The following TCN2 variants were observed in gnomAD, a reference collection of about 807,000 sequenced individuals.
The protein encoded by TCN2 is transcobalamin 2.
TCN2 carries 34 observed loss-of-function variants against 48.6 expected under a neutral mutation model. The ratio of observed to expected loss-of-function variants is 0.70; its 90% CI spans 0.53 to 0.93. The LOEUF is 0.93. TCN2 is among the 40% of genes least tolerant of loss of function. The pLI is 0.00. For synonymous variants in TCN2, 283 were observed against 212.5 expected, an observed-to-expected ratio of 1.33 and a Z score of -2.89; for missense variants, 652 against 526.1, an observed-to-expected ratio of 1.24 and a Z score of -2.34.
chr22:30,608,507 C>T (rs1324106481), intron 1 of TCN2, among the ~76,000 whole-genome samples: 14 of 151,318 alleles, frequency 9.3e-5, no homozygotes, highest in Non-Finnish European at 4.4e-5. Context: ...CCCACCTCAG[C>T]CTCCCAAGTA....
chr22:30,617,538 A>T (rs755295625), intron 7 of TCN2, 43 bp downstream of exon 7: 2 of 1,612,794 alleles, frequency 1.2e-6, no homozygotes, highest in Non-Finnish European at 1.7e-6. Context: ...CCAACCTCAC[A>T]TGCCTGATAA....
intron 1 of TCN2, among the ~76,000 whole-genome samples, chr22:30,609,528 G>A (rs186613007): frequency 8.5e-5 from 13 of 152,216 alleles, no homozygotes; most frequent in Admixed American, 6.5e-4. Flanking sequence ...GAGAGCCCGG[G>A]GTGAGGTCAG....
At chr22:30,623,256 T>G in intron 8 of TCN2, 173 bp downstream of exon 8, 2 of 567,888 alleles carry the variant, frequency 3.5e-6, no homozygotes, top group Non-Finnish European at 6.1e-6. Flanking sequence ...AGAATTTTTA[T>G]GCAAGTTACT....
At chr22:30,612,275 G>A (rs903557358) in intron 2 of TCN2, among the ~76,000 whole-genome samples, 6 of 151,320 alleles carry the variant, frequency 4.0e-5, no homozygotes, top group Non-Finnish European at 8.8e-5. Context: ...ATGGCTGGGT[G>A]TGGTGGCTCA....
chr22:30,613,265 GGTTTTTT>G (rs1569039889), intron 3 of TCN2, among the ~76,000 whole-genome samples: 2 of 151,996 alleles, frequency 1.3e-5, no homozygotes, highest in South Asian at 2.1e-4. Flanking sequence ...TGTGTTTCGT[GGTTTTTT>G]GTTTTTTGTT....
At chr22:30,617,927 G>GT (rs1187501216) in intron 7 of TCN2, among the ~76,000 whole-genome samples, 22 of 151,998 alleles carry the variant, frequency 1.4e-4, no homozygotes, top group African/African-American at 5.1e-4. Context: ...AGTAAGAACT[G>GT]TTTTTTGTTT....
At chr22:30,608,179 C>T (rs2087481692) in intron 1 of TCN2, among the ~76,000 whole-genome samples, 1 of 152,174 alleles carries the variant, frequency 6.6e-6, no homozygotes, top group Non-Finnish European at 1.5e-5. Context: ...CTTTTCTCCT[C>T]CTCTGCACCT....
chr22:30,619,457 T>A (rs2087664984), intron 7 of TCN2, among the ~76,000 whole-genome samples: 1 of 152,248 alleles, frequency 6.6e-6, no homozygotes, highest in Non-Finnish European at 1.5e-5. Flanking sequence ...GACAATGTCC[T>A]TACACTTGCT....
intron 4 of TCN2, 132 bp downstream of exon 4, chr22:30,614,633 C>T (rs887880155): frequency 1.9e-5 from 25 of 1,344,246 alleles, no homozygotes; most frequent in South Asian, 6.3e-5. Context: ...CCTTTAGGGA[C>T]GAATTGGCGA....
At chr22:30,613,246 A>G (rs1461994362) in intron 3 of TCN2, among the ~76,000 whole-genome samples, 1 of 151,968 alleles carries the variant, frequency 6.6e-6, no homozygotes, top group African/African-American at 2.4e-5. Context: ...CACACATACT[A>G]TTGACAGGTG....
chr22:30,615,823 A>G (rs558896335), intron 6 of TCN2, 36 bp downstream of exon 6: 4 of 1,612,598 alleles, frequency 2.5e-6, no homozygotes, highest in East Asian at 2.2e-5. Flanking sequence ...AGCCCTTTAC[A>G]ATCTGCTGCG....
chr22:30,625,504 C>T (rs1332685945), intron 8 of TCN2, among the ~76,000 whole-genome samples: 1 of 151,998 alleles, frequency 6.6e-6, no homozygotes, highest in Non-Finnish European at 1.5e-5. Context: ...CACTCTGTCA[C>T]CCACGCTGAG....
intron 8 of TCN2, among the ~76,000 whole-genome samples, chr22:30,624,526 A>C (rs1281334690): frequency 7.5e-6 from 1 of 133,262 alleles, no homozygotes; most frequent in African/African-American, 2.6e-5. Flanking sequence ...GAGGGAGCCC[A>C]CAAAAAAGCA....
chr22:30,613,669 T>TA (rs1410961335), intron 3 of TCN2, among the ~76,000 whole-genome samples: 1 of 152,160 alleles, frequency 6.6e-6, no homozygotes, highest in African/African-American at 2.4e-5. Context: ...ACTTACGCCA[T>TA]AGTCTGTCTC....
At position 30,626,903 on chromosome 22, in the gene TCN2, C is replaced by A. The variant is rs56076607; in HGVS notation, c.*382C>A. The A allele has an allele frequency of 5.7e-6, 2 of 353,414 alleles. No individual in the cohort carries two copies. Among genetic ancestry groups the A allele is most frequent in the Non-Finnish European group, 1.1e-5 (2 of 182,624 alleles). The allele number at this position is 353,414 out of a possible 1,614,324, so 21.9% of individuals were successfully genotyped here. A position where few individuals can be genotyped will look rare whatever the true frequency, so the allele number is the denominator to read the frequency against. ...TGGTTGGGGTCCTGCAAGAAGGCCT[C>A]CTCAGCCCGGGGGCTATGGCCCTGA... On this transcript the variant is annotated 3_prime_UTR_variant, in exon 9 of 9. Transcript: ENST00000215838.
intron 6 of TCN2, among the ~76,000 whole-genome samples, chr22:30,616,421 G>A (rs541036607): frequency 1.3e-5 from 2 of 151,698 alleles, no homozygotes; most frequent in African/African-American, 4.8e-5. Flanking sequence ...CTCAGAGGTG[G>A]AGGTTGCAGT....
rs2087823829 is a variant in TCN2 at position 30,627,254 on chromosome 22, G to A, written c.*733G>A. On this transcript the variant is annotated 3_prime_UTR_variant, in exon 9 of 9. Transcript: ENST00000215838. ...ACTATGACTGAGCACTCACTCGCTAGATACTATCTTGAACTGCTCTGTGAG... is the reference window on the plus strand; with the variant it reads ...ACTATGACTGAGCACTCACTCGCTAAATACTATCTTGAACTGCTCTGTGAG... 1 of 156,192 alleles carries A rather than the reference G, an allele frequency of 6.4e-6. No homozygotes were observed. The highest frequency in any genetic ancestry group is 2.0e-4 in the South Asian group (1 of 5,076). The allele number at this position is 156,192 out of a possible 1,614,324, so 9.7% of individuals were successfully genotyped here.
rs770630089 is a variant in TCN2, at chr22:30,614,368, C to G, written c.447C>G (p.His149Gln). The G allele has an allele frequency of 6.2e-7, 1 of 1,614,052 alleles. No homozygotes were observed. The highest frequency in any genetic ancestry group is 1.7e-5 in the Admixed American group (1 of 60,002). The change falls in exon 4 of 9, where the codon CAC (histidine) becomes CAG (glutamine). Residue 149 changes from histidine to glutamine, a missense_variant. By Grantham distance (24) the His-to-Gln change is conservative (BLOSUM62 0). Transcript: ENST00000215838. The part of the protein sequence containing the change: ...KRAIGHDHKG[H>Q]PHTSYYQYGL... The stretch of plus-strand genomic sequence containing the variant: ...TCTCAGGGCATGATCACAAGGGCCA[C>G]CCCCACACTAGCTACTACCAGTATG...
chr22:30,620,562 C>A (rs760448304), intron 7 of TCN2, among the ~76,000 whole-genome samples: 7 of 152,212 alleles, frequency 4.6e-5, no homozygotes. Flanking sequence ...TGGGCACCAG[C>A]GCAGTCACTG....
Sources: allele counts gnomAD v4.1 joint callset (sites outside exome capture counted in the v4.1 genomes callset), GRCh38; gene constraint gnomAD v4.1.1; transcripts MANE v1.5; gene names NCBI Gene and HGNC (gene_info 2026-07-23, HGNC 2026-07-21).